CNTN4: variants seen among roughly 807,000 people sequenced by gnomAD.
CNTN4 encodes contactin-4.
In CNTN4, 77 loss-of-function variants were observed where a neutral mutation model predicts 122.5. That is an observed-to-expected ratio of 0.63 (90% CI 0.52 to 0.76). The LOEUF (loss-of-function observed/expected upper bound fraction) is 0.76, where lower values mean the gene tolerates loss of function less well. Among genes scored for constraint, CNTN4 ranks in the 30% least tolerant of loss-of-function variants. The pLI, the probability that CNTN4 is intolerant of heterozygous loss-of-function variation, is 0.00. For synonymous variants in CNTN4, 512 were observed against 447.0 expected (o/e 1.15, Z -1.83); for missense variants, 1,256 against 1,259.1 (o/e 1.00, Z 0.04).
At chr3:2,554,243 G>A (rs866983772) in intron 3 of CNTN4, among the ~76,000 whole-genome samples, 1 of 152,022 alleles carries the variant, frequency 6.6e-6, no homozygotes, top group Admixed American at 6.6e-5. Flanking sequence ...GTATTTTAAG[G>A]TATTAGTTTC....
chr3:2,672,209 G>T (rs1455980213), intron 4 of CNTN4, among the ~76,000 whole-genome samples: 4 of 152,336 alleles, frequency 2.6e-5, no homozygotes, highest in Non-Finnish European at 5.9e-5. Context: ...CCTGCCCCCA[G>T]TGGTGGAGTC....
intron 2 of CNTN4, among the ~76,000 whole-genome samples, chr3:2,270,565 C>G (rs970370740): frequency 7.2e-5 from 11 of 152,076 alleles, no homozygotes; most frequent in African/African-American, 2.7e-4. Flanking sequence ...CCTTCATTCT[C>G]AGAGAGATTT....
chr3:2,426,050 GC>G lies in CNTN4; in HGVS notation c.-89+86820del, dbSNP rs752721471. Reference sequence around the variant, plus strand: ...TGACTTCCTCTTTTCCTAATTGAATGCCCTTTATTTCCTTCTCCTGCCTGAT... The same window carrying G: ...TGACTTCCTCTTTTCCTAATTGAATGCCTTTATTTCCTTCTCCTGCCTGAT... On this transcript the variant is annotated intron_variant, in intron 3 of 24. Coordinates refer to ENST00000418658, the MANE Select transcript of CNTN4 (RefSeq NM_175607.3). Among the ~76,000 whole-genome samples, 3 of 152,140 alleles carry G rather than the reference GC, an allele frequency of 2.0e-5. No homozygotes were observed. The East Asian group carries it at 5.8e-4, about 29-fold the overall frequency.
chr3:2,825,169 C>T (rs554246859), intron 7 of CNTN4, among the ~76,000 whole-genome samples: 19 of 151,946 alleles, frequency 1.3e-4, no homozygotes, highest in Admixed American at 7.2e-4. Flanking sequence ...TCACTTGAGC[C>T]CAGGAGTTGG....
intron 4 of CNTN4, among the ~76,000 whole-genome samples, chr3:2,674,213 T>TA (rs1293159997): frequency 2.0e-5 from 3 of 152,232 alleles, no homozygotes; most frequent in Admixed American, 1.3e-4. Flanking sequence ...GTAGCCTTTT[T>TA]AAGGTAGCCT....
intron 9 of CNTN4, among the ~76,000 whole-genome samples, chr3:2,885,876 T>G (rs999190683): frequency 3.3e-5 from 5 of 152,166 alleles, no homozygotes; most frequent in Non-Finnish European, 7.3e-5. Flanking sequence ...GTTGGAAGGC[T>G]GGTGTCACTG....
intron 2 of CNTN4, among the ~76,000 whole-genome samples, chr3:2,185,926 T>C (rs1412880534): frequency 6.6e-6 from 1 of 152,148 alleles, no homozygotes; most frequent in Non-Finnish European, 1.5e-5. Flanking sequence ...TGTTTTTTTC[T>C]TTTTTTAATT....
intron 7 of CNTN4, among the ~76,000 whole-genome samples, chr3:2,856,633 T>C (rs770669329): frequency 2.2e-4 from 34 of 152,202 alleles, no homozygotes; most frequent in Non-Finnish European, 4.4e-4. Context: ...TCCCACTGTG[T>C]CTTCTCTTTG....
chr3:2,536,133 A>T (rs1055144470), intron 3 of CNTN4, among the ~76,000 whole-genome samples: 1 of 152,142 alleles, frequency 6.6e-6, no homozygotes, highest in Non-Finnish European at 1.5e-5. Context: ...ATAGGCAGGG[A>T]TTTAAGGGTG....
intron 3 of CNTN4, among the ~76,000 whole-genome samples, chr3:2,348,797 C>T (rs2044499800): frequency 6.6e-6 from 1 of 152,102 alleles, no homozygotes; most frequent in Admixed American, 6.5e-5. Flanking sequence ...TTAATATGAA[C>T]TAATACGAAG....
chr3:2,276,819 G>A (rs889398713), intron 2 of CNTN4, among the ~76,000 whole-genome samples: 2 of 152,118 alleles, frequency 1.3e-5, no homozygotes, highest in Non-Finnish European at 2.9e-5. Flanking sequence ...AGGAGGCTGA[G>A]GCAAGATAAT....
intron 6 of CNTN4, among the ~76,000 whole-genome samples, chr3:2,802,914 G>A (rs904597521): frequency 1.3e-5 from 2 of 152,142 alleles, no homozygotes; most frequent in Non-Finnish European, 2.9e-5. Context: ...ATAAAGACGA[G>A]TTTCTTAAGT....
At chr3:2,887,435 A>T (rs1363422629) in intron 10 of CNTN4, among the ~76,000 whole-genome samples, 2 of 152,098 alleles carry the variant, frequency 1.3e-5, no homozygotes, top group South Asian at 4.2e-4. Flanking sequence ...AGAGAGGAAG[A>T]CATTAGGCTG....
At chr3:2,669,626 T>C (rs1357951547) in intron 4 of CNTN4, among the ~76,000 whole-genome samples, 2 of 152,224 alleles carry the variant, frequency 1.3e-5, no homozygotes, top group Non-Finnish European at 2.9e-5. Flanking sequence ...ATTTCTTGCC[T>C]TCTGCTAGGT....
intron 6 of CNTN4, among the ~76,000 whole-genome samples, chr3:2,794,339 G>A (rs1476094577): frequency 1.3e-5 from 2 of 152,130 alleles, no homozygotes; most frequent in African/African-American, 4.8e-5. Flanking sequence ...ACAATTAACA[G>A]TTCACATCTT....
At chr3:2,669,693 A>C (rs983570755) in intron 4 of CNTN4, among the ~76,000 whole-genome samples, 2 of 152,022 alleles carry the variant, frequency 1.3e-5, no homozygotes, top group Non-Finnish European at 2.9e-5. Flanking sequence ...TTAGGGTGTC[A>C]ATTTTGGATC....
intron 4 of CNTN4, among the ~76,000 whole-genome samples, chr3:2,652,090 T>G (rs1165430730): frequency 7.9e-5 from 12 of 151,944 alleles, no homozygotes; most frequent in Non-Finnish European, 1.0e-4. Flanking sequence ...GTAGGAGGAT[T>G]GCTTGAGCTC....
intron 14 of CNTN4, among the ~76,000 whole-genome samples, chr3:3,007,222 T>C (rs1696746414): frequency 6.6e-6 from 1 of 152,236 alleles, no homozygotes; most frequent in African/African-American, 2.4e-5. Flanking sequence ...GCACGTCTTG[T>C]TGTGTACTAG....
chr3:2,196,927 C>A (rs1433383676), intron 2 of CNTN4, among the ~76,000 whole-genome samples: 1 of 151,532 alleles, frequency 6.6e-6, no homozygotes, highest in African/African-American at 2.4e-5. Flanking sequence ...GCCTGTAATC[C>A]CAGCTACTCA....
Sources: gnomAD v4.1 joint callset for allele counts (sites outside exome capture counted in the v4.1 genomes callset) on GRCh38, gnomAD v4.1.1 for gene constraint, MANE v1.5 for transcripts, NCBI Gene and HGNC (gene_info 2026-07-23, HGNC 2026-07-21) for gene names.